The following TMEM131 variants were observed in gnomAD, a reference collection of about 807,000 sequenced individuals.
TMEM131 encodes the protein transmembrane protein 131.
TMEM131 carries 66 observed loss-of-function variants against 211.6 expected under a neutral mutation model. That is an observed-to-expected ratio of 0.31 (90% CI 0.26 to 0.38). The LOEUF is 0.38. TMEM131 is among the 10% of genes least tolerant of loss of function. The pLI, the probability that TMEM131 is intolerant of heterozygous loss-of-function variation, is 1.00. For synonymous variants in TMEM131, 844 were observed against 841.3 expected (o/e 1.00, Z -0.06); for missense variants, 2,036 against 2,299.3 (o/e 0.89, Z 2.34).
chr2:97,792,817 T>C lies in TMEM131; in HGVS notation c.3713A>G (p.Lys1238Arg). 1 of 1,614,024 alleles carries C rather than the reference T, an allele frequency of 6.2e-7. No individual in the cohort carries two copies. Among genetic ancestry groups the C allele is most frequent in the South Asian group, 1.1e-5 (1 of 91,080 alleles). ...CCTACTAGAGGTACTTGAACTGTTT[T>C]TGGCTCTGACGTTTTCCACGTCAGC... ...NSADVENVRA[K>R]NSSSTSSRTS... Residue 1238 changes from lysine (K) to arginine (R), a missense_variant, in exon 31 of 41, where the codon AAA becomes AGA. Coordinates refer to ENST00000186436, the MANE Select transcript of TMEM131 (RefSeq NM_015348.2).
At chr2:97,779,327 A>C (rs1679882569) in intron 31 of TMEM131, among the ~76,000 whole-genome samples, 1 of 152,230 alleles carries the variant, frequency 6.6e-6, no homozygotes, top group South Asian at 2.1e-4. Flanking sequence ...TGCCTTCCCT[A>C]ACCTGACTGA....
At chr2:97,869,537 G>C (rs1674406787) in intron 4 of TMEM131, among the ~76,000 whole-genome samples, 1 of 152,266 alleles carries the variant, frequency 6.6e-6, no homozygotes, top group African/African-American at 2.4e-5. Context: ...AACAAGAACA[G>C]AGGGAAGCTG....
At chr2:97,773,961 C>T (rs867671666) in intron 32 of TMEM131, among the ~76,000 whole-genome samples, 4 of 152,170 alleles carry the variant, frequency 2.6e-5, no homozygotes, top group Non-Finnish European at 4.4e-5. Flanking sequence ...GAAGGACGTA[C>T]TCAGCAAAGG....
intron 39 of TMEM131, 27 bp downstream of exon 39, chr2:97,759,621 ATTAG>A: frequency 6.5e-7 from 1 of 1,541,188 alleles, no homozygotes; most frequent in Non-Finnish European, 8.9e-7. Context: ...CCACAGGCTT[ATTAG>A]TTACACATCT....
At chr2:97,813,143 A>G (rs1170717589) in intron 15 of TMEM131, among the ~76,000 whole-genome samples, 1 of 152,160 alleles carries the variant, frequency 6.6e-6, no homozygotes, top group Non-Finnish European at 1.5e-5. Context: ...CTGAGTTGCT[A>G]TTCTTCCTCT....
At chr2:97,803,516 G>T (rs1681138409) in intron 22 of TMEM131, among the ~76,000 whole-genome samples, 1 of 152,168 alleles carries the variant, frequency 6.6e-6, no homozygotes, top group African/African-American at 2.4e-5. Context: ...TATAAATGGA[G>T]CTAAGATTCC....
chr2:97,815,749 G>A (rs919356547), intron 12 of TMEM131, among the ~76,000 whole-genome samples: 7 of 152,138 alleles, frequency 4.6e-5, no homozygotes, highest in Non-Finnish European at 8.8e-5. Context: ...CTGCAGCTGT[G>A]ACTACCAAAA....
chr2:97,761,846 T>C, intron 36 of TMEM131, 189 bp downstream of exon 36: 3 of 575,156 alleles, frequency 5.2e-6, no homozygotes, highest in South Asian at 2.5e-5. Flanking sequence ...ACCGGGTTAC[T>C]GTTGGAGCTG....
In TMEM131 at chr2:97,762,181, T is replaced by A; in HGVS notation, c.4743A>T (p.Lys1581Asn). 6.2e-7 allele frequency: 1 copy of A among 1,613,884 alleles called. No homozygotes were observed. Among genetic ancestry groups the A allele is most frequent in the Non-Finnish European group, 8.5e-7 (1 of 1,179,852 alleles). The change falls in exon 36 of 41, where the codon AAA (lysine) becomes AAT (asparagine). Residue 1581 changes from lysine to asparagine, a missense_variant. Around this residue, in one of 3 missense-constraint regions of TMEM131, gnomAD observed 1,623 missense variants for 1,805.9 expected, o/e 0.90. Coordinates refer to ENST00000186436, the MANE Select transcript of TMEM131 (RefSeq NM_015348.2). ...CTGCGTTGAGGGTTTGCAGAGAAAG[T>A]TTATAAAGACTATCAGTAGCTGGAA... ...KPGSSTDSLY[K>N]LSLQTLNADI... is the part of the protein sequence containing the mutation.
chr2:97,933,820 C>T (rs185902923), intron 1 of TMEM131, among the ~76,000 whole-genome samples: 1 of 152,080 alleles, frequency 6.6e-6, no homozygotes, highest in African/African-American at 2.4e-5. Context: ...TCAACTGACA[C>T]AGAAAAAGTA....
intron 11 of TMEM131, among the ~76,000 whole-genome samples, chr2:97,826,186 T>C (rs1682373794): frequency 6.6e-6 from 1 of 152,172 alleles, no homozygotes. Context: ...ATGCCATAGT[T>C]AATGATGCAA....
chr2:97,768,903 G>A (rs956219652), intron 33 of TMEM131, among the ~76,000 whole-genome samples: 19 of 144,038 alleles, frequency 1.3e-4, no homozygotes, highest in African/African-American at 4.4e-4. Context: ...TGCCCAGACT[G>A]AAGTGATTCT....
intron 1 of TMEM131, among the ~76,000 whole-genome samples, chr2:97,932,640 A>G (rs1216285473): frequency 6.6e-6 from 1 of 152,250 alleles, no homozygotes; most frequent in Non-Finnish European, 1.5e-5. Flanking sequence ...AAAGAATCTA[A>G]GTCATCTAAA....
Position 97,929,943 on chromosome 2 carries a change from C to T in TMEM131, c.188-2456G>A, listed in dbSNP as rs1464462343. 1.3e-5 allele frequency among the ~76,000 whole-genome samples: 2 copies of T among 151,668 alleles called. 1 individual carries two copies. Among genetic ancestry groups the T allele is most frequent in the African/African-American group, 4.9e-5 (2 of 40,998 alleles). On this transcript the variant is annotated intron_variant, in intron 1 of 40. Coordinates refer to ENST00000186436, the MANE Select transcript of TMEM131 (RefSeq NM_015348.2). ...TACTGACACAGTATACTTAGAATGT[C>T]TCTAAGTAAAGTGATAAACTCATTA...
rs765921612 is a variant in TMEM131 at position 97,812,715 on chromosome 2, A to G, written c.1652T>C (p.Phe551Ser). 2.5e-6 allele frequency: 4 copies of G among 1,592,748 alleles called. No homozygotes were observed. The African/African-American group carries it at 5.4e-5, about 22-fold the overall frequency. ...FVLPPKIEER[F>S]IDFGVLSATE... is the part of the protein sequence containing the mutation. ...AGCACTCAGTACTCCAAAATCTATG[A>G]AACGTTCCTCTATTTTGGGGGGCAA... The change falls in exon 16 of 41, where the codon TTC becomes TCC. Residue 551 changes from phenylalanine (F) to serine (S), a missense_variant. By Grantham distance (155) the Phe-to-Ser change is radical. Around this residue, in one of 3 missense-constraint regions of TMEM131, gnomAD observed 1,623 missense variants for 1,805.9 expected, o/e 0.90. Coordinates refer to ENST00000186436, the MANE Select transcript of TMEM131 (RefSeq NM_015348.2).
Position 97,818,616 on chromosome 2 carries a change from C to G in TMEM131, c.1180G>C (p.Asp394His). ...KYTKVASISF[D>H]ASKAKKPSQF... ...AGAGAAAATGGTGAATACTTGCCATCAAAACTAATGCTTGCAACCTTGGTG... is the reference window on the plus strand; with the variant it reads ...AGAGAAAATGGTGAATACTTGCCATGAAAACTAATGCTTGCAACCTTGGTG... Residue 394 changes from aspartate (D) to histidine (H), a missense_variant, in exon 12 of 41, where the codon GAT becomes CAT. Physicochemically the swap from Asp to His is moderately conservative, Grantham distance 81 (BLOSUM62 -1). Transcript: ENST00000186436. The G allele has an allele frequency of 6.3e-7, 1 of 1,588,672 alleles. No homozygotes were observed. Among genetic ancestry groups the G allele is most frequent in the South Asian group, 1.1e-5 (1 of 88,886 alleles).
chr2:97,798,220 G>A (rs10168543), intron 25 of TMEM131, among the ~76,000 whole-genome samples: 52,630 of 152,148 alleles, frequency 0.35, 10,025 homozygotes, highest in Middle Eastern at 0.49. Context: ...AGTTAAGGTT[G>A]AAAAACATTT....
chr2:97,938,221 GAC>G (rs1485775737), intron 1 of TMEM131, among the ~76,000 whole-genome samples: 7 of 152,232 alleles, frequency 4.6e-5, no homozygotes, highest in Admixed American at 1.3e-4. Context: ...CCAATTAAAA[GAC>G]ACAGACTGGC....
At chr2:97,975,790 C>T (rs1679503312) in intron 1 of TMEM131, among the ~76,000 whole-genome samples, 1 of 137,434 alleles carries the variant, frequency 7.3e-6, no homozygotes, top group Admixed American at 7.4e-5. Context: ...TACTCTAATA[C>T]TGAAAGGGAA....
Sources: gnomAD v4.1 joint callset for allele counts (sites outside exome capture counted in the v4.1 genomes callset) on GRCh38, gnomAD v4.1.1 for gene constraint, gnomAD v4.1.1 regional missense constraint, MANE v1.5 for transcripts, NCBI Gene and HGNC (gene_info 2026-07-23, HGNC 2026-07-21) for gene names.